Variants in KCNQ5 observed in about 807,000 individuals in gnomAD.
The protein encoded by KCNQ5 is potassium voltage-gated channel subfamily KQT member 5.
A neutral mutation model predicts 98.2 loss-of-function variants in KCNQ5; 30 were observed. The observed-to-expected ratio is 0.31, with a 90% confidence interval of 0.23 to 0.41. The LOEUF (loss-of-function observed/expected upper bound fraction) is 0.41. Ranked by LOEUF, KCNQ5 falls within the 10% of genes least tolerant of loss-of-function variation. The pLI, the probability that KCNQ5 is intolerant of heterozygous loss-of-function variation, is 1.00. For synonymous variants in KCNQ5, 458 were observed against 449.4 expected, an observed-to-expected ratio of 1.02 and a Z score of -0.24; for missense variants, 835 against 1,182.5, an observed-to-expected ratio of 0.71 and a Z score of 4.31.
chr6:72,935,371 A>G (rs1765870829), intron 1 of KCNQ5, among the ~76,000 whole-genome samples: 1 of 152,038 alleles, frequency 6.6e-6, no homozygotes, highest in African/African-American at 2.4e-5. Context: ...TCAACCAACC[A>G]GCGTTGTCCT....
intron 1 of KCNQ5, among the ~76,000 whole-genome samples, chr6:72,668,463 CTG>C (rs143299838): frequency 0.014 from 2,112 of 150,962 alleles, 59 homozygotes; most frequent in African/African-American, 0.048. Flanking sequence ...TGTTGGGACT[CTG>C]TGTGTGTGTG....
chr6:72,652,524 G>A (rs1250945735), intron 1 of KCNQ5, among the ~76,000 whole-genome samples: 2 of 151,628 alleles, frequency 1.3e-5, no homozygotes, highest in Admixed American at 6.6e-5. Flanking sequence ...TAATTCCCTA[G>A]AATTGAGCAG....
At chr6:73,186,418 A>G (rs772946613) in intron 11 of KCNQ5, among the ~76,000 whole-genome samples, 3 of 152,226 alleles carry the variant, frequency 2.0e-5, no homozygotes, top group Non-Finnish European at 4.4e-5. Flanking sequence ...AATCCTTAAT[A>G]AGTAAGATTT....
intron 1 of KCNQ5, among the ~76,000 whole-genome samples, chr6:72,738,120 A>G (rs1197041280): frequency 6.6e-6 from 1 of 151,936 alleles, no homozygotes; most frequent in Non-Finnish European, 1.5e-5. Context: ...ATGCCACTGC[A>G]CTCCAGCCTG....
At chr6:72,820,102 T>C (rs1775683741) in intron 1 of KCNQ5, among the ~76,000 whole-genome samples, 2 of 152,242 alleles carry the variant, frequency 1.3e-5, no homozygotes, top group African/African-American at 4.8e-5. Flanking sequence ...TAAGGACAGA[T>C]GCTTCCACTC....
At chr6:72,678,312 C>T (rs931593906) in intron 1 of KCNQ5, 1 of 152,130 alleles carries the variant, frequency 6.6e-6, no homozygotes, top group Non-Finnish European at 1.5e-5. Context: ...TGCATTATTA[C>T]ATTGAATTCT....
At chr6:72,922,794 C>CTTTCTT (rs57815227) in intron 1 of KCNQ5, among the ~76,000 whole-genome samples, 32,872 of 112,116 alleles carry the variant, frequency 0.29, 6,680 homozygotes, top group East Asian at 0.48. Flanking sequence ...ACCTTTCTTT[C>CTTTCTT]TTTCTTTTTC....
intron 6 of KCNQ5, among the ~76,000 whole-genome samples, chr6:73,108,574 C>T (rs1775097420): frequency 6.6e-6 from 1 of 152,148 alleles, no homozygotes; most frequent in Non-Finnish European, 1.5e-5. Flanking sequence ...CGCCTGTAAT[C>T]CCAGCACTTT....
intron 3 of KCNQ5, among the ~76,000 whole-genome samples, chr6:73,052,308 A>T (rs1175997263): frequency 6.6e-6 from 1 of 152,212 alleles, no homozygotes; most frequent in Admixed American, 6.5e-5. Flanking sequence ...CAACTTGGAG[A>T]ACATATTTCA....
intron 9 of KCNQ5, among the ~76,000 whole-genome samples, chr6:73,125,062 C>CTTT (rs11375968): frequency 7.4e-6 from 1 of 135,910 alleles, no homozygotes. Context: ...TACATATAAT[C>CTTT]TTTTTTTTTG....
At chr6:72,859,913 G>A (rs1295082116) in intron 1 of KCNQ5, among the ~76,000 whole-genome samples, 1 of 150,780 alleles carries the variant, frequency 6.6e-6, no homozygotes, top group South Asian at 2.1e-4. Flanking sequence ...TAAATACCTG[G>A]TTGTCCTCTT....
At chr6:72,799,019 G>T (rs1774490403) in intron 1 of KCNQ5, among the ~76,000 whole-genome samples, 1 of 151,980 alleles carries the variant, frequency 6.6e-6, no homozygotes, top group Non-Finnish European at 1.5e-5. Flanking sequence ...TATATAAATG[G>T]CAAAGAGTGG....
chr6:72,741,372 C>G (rs1307047742), intron 1 of KCNQ5, among the ~76,000 whole-genome samples: 2 of 152,134 alleles, frequency 1.3e-5, no homozygotes, highest in African/African-American at 4.8e-5. Context: ...TGGGAGCCAG[C>G]CTGTAAGAGA....
In KCNQ5 at chr6:72,789,088, C is replaced by T. The variant is rs117215516; in HGVS notation, c.398+166501C>T. ...CTGTTTTCAGTCTTCCAGATGATAC[C>T]AATGTGTAGCCAAAGTTGGGAGCTA... On this transcript the variant is annotated intron_variant, in intron 1 of 13. Coordinates refer to ENST00000370398, the MANE Select transcript of KCNQ5 (RefSeq NM_019842.4). 3.4e-3 allele frequency among the ~76,000 whole-genome samples: 516 copies of T among 152,218 alleles called. 4 individuals are homozygous for T. Among genetic ancestry groups the T allele is most frequent in the South Asian group, 0.011 (55 of 4,820 alleles).
At chr6:73,185,066 T>C (rs1199835949) in intron 11 of KCNQ5, among the ~76,000 whole-genome samples, 1 of 152,218 alleles carries the variant, frequency 6.6e-6, no homozygotes, top group Non-Finnish European at 1.5e-5. Flanking sequence ...CACAGTCTGG[T>C]GGAGGAAGCT....
At chr6:73,100,409 G>A (rs1275157540) in intron 5 of KCNQ5, among the ~76,000 whole-genome samples, 1 of 152,168 alleles carries the variant, frequency 6.6e-6, no homozygotes, top group Non-Finnish European at 1.5e-5. Context: ...GCTCACGCCT[G>A]TAATCCCAGC....
chr6:72,698,197 T>C (rs1768600433), intron 1 of KCNQ5, among the ~76,000 whole-genome samples: 2 of 152,164 alleles, frequency 1.3e-5, no homozygotes, highest in South Asian at 4.1e-4. Flanking sequence ...AATGAATGTA[T>C]TTAGACTTTT....
chr6:73,019,007 A>G (rs569727670), intron 2 of KCNQ5, among the ~76,000 whole-genome samples: 1 of 152,288 alleles, frequency 6.6e-6, no homozygotes, highest in South Asian at 2.1e-4. Flanking sequence ...TAGATGATGA[A>G]CAGAAGTAAT....
At position 72,971,765 on chromosome 6, in the gene KCNQ5, A is replaced by C. The variant is rs567654488; in HGVS notation, c.399-32143A>C. On this transcript the variant is annotated intron_variant, in intron 1 of 13. Transcript: ENST00000370398. ...AGAAAACCAAACATCACATGTTCTC[A>C]CTCATAGGTGGGAATTGAACAATGA... 7.9e-5 allele frequency among the ~76,000 whole-genome samples: 12 copies of C among 152,194 alleles called. No individual in the cohort carries two copies. In the East Asian group the frequency reaches 1.4e-3, roughly 17 times the overall value.
Sources: allele counts gnomAD v4.1 joint callset (sites outside exome capture counted in the v4.1 genomes callset), GRCh38; gene constraint gnomAD v4.1.1; transcripts MANE v1.5; gene names NCBI Gene and HGNC (gene_info 2026-07-23, HGNC 2026-07-21).